The following SND1 variants were observed in gnomAD, a reference collection of about 807,000 sequenced individuals.
SND1 encodes the protein staphylococcal nuclease and tudor domain containing 1, also known as staphylococcal nuclease domain-containing protein 1.
A neutral mutation model predicts 121.7 loss-of-function variants in SND1; 38 were observed. The ratio of observed to expected loss-of-function variants is 0.31; its 90% CI spans 0.24 to 0.41. The LOEUF (loss-of-function observed/expected upper bound fraction) is 0.41. Among genes scored for constraint, SND1 ranks in the 10% least tolerant of loss-of-function variants. The pLI is 1.00. For missense variants in SND1, 868 were observed against 1,184.6 expected, an observed-to-expected ratio of 0.73 and a Z score of 3.92; for synonymous variants, 401 against 447.4, an observed-to-expected ratio of 0.90 and a Z score of 1.31.
At chr7:127,748,232 G>C (rs1797015486) in intron 10 of SND1, among the ~76,000 whole-genome samples, 1 of 152,152 alleles carries the variant, frequency 6.6e-6, no homozygotes, top group Non-Finnish European at 1.5e-5. Flanking sequence ...CCTCTTGACA[G>C]CTTGTTTCCT....
At chr7:127,881,515 A>G (rs1002785430) in intron 12 of SND1, among the ~76,000 whole-genome samples, 2 of 152,132 alleles carry the variant, frequency 1.3e-5, no homozygotes, top group Non-Finnish European at 2.9e-5. Context: ...CAAATATTCA[A>G]AGTCACAGAA....
At chr7:127,814,018 A>G (rs1798381945) in intron 11 of SND1, among the ~76,000 whole-genome samples, 1 of 152,170 alleles carries the variant, frequency 6.6e-6, no homozygotes, top group Non-Finnish European at 1.5e-5. Context: ...AGAATCCTCG[A>G]GATTCTCATA....
At chr7:127,823,664 A>G (rs1798592180) in intron 11 of SND1, among the ~76,000 whole-genome samples, 1 of 152,202 alleles carries the variant, frequency 6.6e-6, no homozygotes, top group Non-Finnish European at 1.5e-5. Flanking sequence ...TTAGGAACAA[A>G]TGTTGGATGC....
chr7:127,956,389 T>A (rs1208311934), intron 15 of SND1, among the ~76,000 whole-genome samples: 1 of 152,208 alleles, frequency 6.6e-6, no homozygotes, highest in African/African-American at 2.4e-5. Context: ...CAGGAGTAAG[T>A]CCATGTTGAG....
rs146917979 is a variant in SND1, at chr7:127,772,423, AAC to A, written c.1153-35048_1153-35047del. On this transcript the variant is annotated intron_variant, in intron 10 of 23. Coordinates refer to ENST00000354725, the MANE Select transcript of SND1 (RefSeq NM_014390.4). The stretch of plus-strand genomic sequence containing the variant: ...AGAGATGCTTCTTTGCGATCTTTAA[AAC>A]ACACACACACACCCCAAAAACAGAA... 3.1e-3 allele frequency among the ~76,000 whole-genome samples: 467 copies of A among 152,092 alleles called. 5 individuals are homozygous for A. Among genetic ancestry groups the A allele is most frequent in the African/African-American group, 0.011 (448 of 41,490 alleles).
At chr7:127,782,982 G>A (rs1268380859) in intron 10 of SND1, among the ~76,000 whole-genome samples, 1 of 152,212 alleles carries the variant, frequency 6.6e-6, no homozygotes, top group African/African-American at 2.4e-5. Flanking sequence ...GTATGTGGCA[G>A]TGATTTCCTC....
At chr7:128,036,525 A>G (rs1792754037) in intron 16 of SND1, among the ~76,000 whole-genome samples, 2 of 152,224 alleles carry the variant, frequency 1.3e-5, no homozygotes, top group African/African-American at 4.8e-5. Context: ...AGTGGACAAT[A>G]AAGGATAAAA....
chr7:127,772,352 C>T (rs920042629), intron 10 of SND1, among the ~76,000 whole-genome samples: 2 of 152,196 alleles, frequency 1.3e-5, no homozygotes, highest in African/African-American at 4.8e-5. Context: ...TTTGCCCGTG[C>T]TCACAAAACC....
intron 9 of SND1, among the ~76,000 whole-genome samples, chr7:127,713,204 T>G (rs1393484138): frequency 6.6e-6 from 1 of 152,238 alleles, no homozygotes; most frequent in African/African-American, 2.4e-5. Context: ...AAATGAATGG[T>G]TGTGGCAATA....
At chr7:128,002,953 T>G (rs568411592) in intron 16 of SND1, among the ~76,000 whole-genome samples, 1 of 152,344 alleles carries the variant, frequency 6.6e-6, no homozygotes, top group Admixed American at 6.5e-5. Flanking sequence ...CTGGGCACAG[T>G]GGCTCACACC....
chr7:128,014,176 C>G (rs1803174528), intron 16 of SND1, among the ~76,000 whole-genome samples: 1 of 152,308 alleles, frequency 6.6e-6, no homozygotes, highest in Non-Finnish European at 1.5e-5. Context: ...TCAGCTTAAG[C>G]ACAACCATGT....
intron 10 of SND1, among the ~76,000 whole-genome samples, chr7:127,793,936 T>TG (rs1182512276): frequency 1.3e-5 from 2 of 152,120 alleles, no homozygotes; most frequent in Non-Finnish European, 2.9e-5. Flanking sequence ...CTTCACACAG[T>TG]GGGGCAAGGC....
chr7:128,053,333 A>G (rs943675134), intron 16 of SND1, among the ~76,000 whole-genome samples: 3 of 152,186 alleles, frequency 2.0e-5, no homozygotes, highest in Non-Finnish European at 2.9e-5. Context: ...CAGCCACTCC[A>G]GCACTTCCAT....
chr7:127,954,392 T>TC (rs1478301096), intron 15 of SND1, among the ~76,000 whole-genome samples: 1 of 152,070 alleles, frequency 6.6e-6, no homozygotes, highest in East Asian at 1.9e-4. Flanking sequence ...AAACAGTCCC[T>TC]CCCCCATTTT....
chr7:127,955,405 T>C (rs995438325), intron 15 of SND1, among the ~76,000 whole-genome samples: 4 of 152,122 alleles, frequency 2.6e-5, no homozygotes, highest in East Asian at 1.9e-4. Context: ...CCGCACCTTA[T>C]CTTGAGAGAG....
chr7:127,746,527 C>A lies in SND1; in HGVS notation c.1152+25127C>A, dbSNP rs188603932. Reference sequence around the variant, plus strand: ...AAATCTTTTAGTAATGTCACAGACTCATCAGAGGAGGGCATTAGAGAAGGA... The same window carrying A: ...AAATCTTTTAGTAATGTCACAGACTAATCAGAGGAGGGCATTAGAGAAGGA... On this transcript the variant is annotated intron_variant, in intron 10 of 23. Transcript: ENST00000354725. Among the ~76,000 whole-genome samples, 235 of 152,238 alleles carry A rather than the reference C, an allele frequency of 1.5e-3. 2 individuals are homozygous for A. Among genetic ancestry groups the A allele is most frequent in the African/African-American group, 5.5e-3 (227 of 41,538 alleles).
intron 14 of SND1, among the ~76,000 whole-genome samples, chr7:127,918,898 A>G (rs1800642344): frequency 6.6e-6 from 1 of 152,178 alleles, no homozygotes; most frequent in African/African-American, 2.4e-5. Context: ...TGGGTTTTTA[A>G]TTGGATGCAT....
intron 1 of SND1, among the ~76,000 whole-genome samples, chr7:127,672,064 G>C (rs1795526345): frequency 6.6e-6 from 1 of 152,206 alleles, no homozygotes; most frequent in African/African-American, 2.4e-5. Context: ...GTAAATAACA[G>C]TAACAGTGCT....
intron 12 of SND1, among the ~76,000 whole-genome samples, chr7:127,859,202 A>G (rs956720597): frequency 6.6e-6 from 1 of 152,186 alleles, no homozygotes; most frequent in Admixed American, 6.5e-5. Context: ...TGGTTTTGTC[A>G]TAATGGCCAC....
Sources: allele counts gnomAD v4.1 joint callset (sites outside exome capture counted in the v4.1 genomes callset), GRCh38; gene constraint gnomAD v4.1.1; transcripts MANE v1.5; gene names NCBI Gene and HGNC (gene_info 2026-07-23, HGNC 2026-07-21).